The following ICE2 variants were observed in gnomAD, a reference collection of about 807,000 sequenced individuals.
The protein encoded by ICE2 is interactor of little elongation complex ELL subunit 2.
A neutral mutation model predicts 105.4 loss-of-function variants in ICE2; 87 were observed. The observed-to-expected ratio is 0.83, with a 90% CI of 0.69 to 0.99. ICE2 has a LOEUF of 0.99. ICE2 is among the 50% of genes least tolerant of loss of function. The probability of loss-of-function intolerance (pLI) is 0.00; values close to 1 mark genes in which losing one functional copy is unlikely to be tolerated. For synonymous variants in ICE2, 399 were observed against 392.0 expected, an observed-to-expected ratio of 1.02 and a Z score of -0.21; for missense variants, 1,323 against 1,146.7, an observed-to-expected ratio of 1.15 and a Z score of -2.22.
intron 15 of ICE2, among the ~76,000 whole-genome samples, chr15:60,425,351 A>G (rs1471294487): frequency 1.3e-5 from 2 of 152,212 alleles, no homozygotes; most frequent in African/African-American, 4.8e-5. Context: ...TATTGACCAC[A>G]CTAATTCTAT....
chr15:60,448,512 A>T (rs181862429), intron 10 of ICE2, among the ~76,000 whole-genome samples: 19 of 152,338 alleles, frequency 1.2e-4, no homozygotes, highest in Non-Finnish European at 2.4e-4. Flanking sequence ...CTGCAGTCCA[A>T]CACCAAGTAT....
chr15:60,462,170 A>G (rs530389689), intron 5 of ICE2, among the ~76,000 whole-genome samples: 1 of 152,250 alleles, frequency 6.6e-6, no homozygotes, highest in Non-Finnish European at 1.5e-5. Flanking sequence ...AAGGGAAAGC[A>G]TATCTTTTAA....
At chr15:60,432,840 C>T (rs140600571) in intron 13 of ICE2, among the ~76,000 whole-genome samples, 1,651 of 151,992 alleles carry the variant, frequency 0.011, 30 homozygotes, top group African/African-American at 0.038. Flanking sequence ...TGCAGTGAGC[C>T]GAGATGGCGT....
chr15:60,437,489 G>T (rs1237105641), intron 12 of ICE2, among the ~76,000 whole-genome samples: 1 of 151,278 alleles, frequency 6.6e-6, no homozygotes, highest in Non-Finnish European at 1.5e-5. Context: ...CCACCACCAG[G>T]CCTGGCTAAT....
chr15:60,455,725 C>G (rs961193872), intron 6 of ICE2, among the ~76,000 whole-genome samples: 1 of 151,676 alleles, frequency 6.6e-6, no homozygotes, highest in Non-Finnish European at 1.5e-5. Flanking sequence ...TCGAGCAATT[C>G]TCTCACTTCA....
Position 60,453,666 on chromosome 15 carries a change from G to C in ICE2, c.1062C>G (p.Asn354Lys). Residue 354 changes from asparagine (N) to lysine (K), a missense_variant, in exon 9 of 16, where the codon AAC becomes AAG. Physicochemically the swap from Asn to Lys is moderately conservative, Grantham distance 94. Transcript: ENST00000261520. Reference sequence around the variant, plus strand: ...AGACTGCAGAGACTGGAACAGATGTGTTTTTGGACATCATAAATTTTAATG... The same window carrying C: ...AGACTGCAGAGACTGGAACAGATGTCTTTTTGGACATCATAAATTTTAATG... ...EVPLKFMMSK[N>K]TSVPVSAVFM... 1 of 1,613,466 alleles carries C rather than the reference G, an allele frequency of 6.2e-7. No homozygotes were observed. The highest frequency in any genetic ancestry group is 8.5e-7 in the Non-Finnish European group (1 of 1,179,524).
intron 3 of ICE2, among the ~76,000 whole-genome samples, chr15:60,475,264 G>A (rs1414062183): frequency 3.9e-5 from 6 of 152,118 alleles, no homozygotes; most frequent in Admixed American, 3.9e-4. Context: ...AGCTACTACA[G>A]GCAAGTTGGC....
chr15:60,445,697 C>A, intron 11 of ICE2: 3 of 985,120 alleles, frequency 3.0e-6, no homozygotes, highest in Non-Finnish European at 3.6e-6. Context: ...CCTTACCAAG[C>A]TGTCTTGTTC....
intron 11 of ICE2, chr15:60,442,750 G>T (rs932302445): frequency 4.5e-5 from 19 of 418,878 alleles, no homozygotes; most frequent in Non-Finnish European, 7.2e-5. Flanking sequence ...GTGGATGGAT[G>T]AAAGAGATCT....
intron 5 of ICE2, among the ~76,000 whole-genome samples, chr15:60,465,857 T>C (rs1013818414): frequency 2.6e-5 from 4 of 151,598 alleles, no homozygotes; most frequent in African/African-American, 9.7e-5. Context: ...GTTCAAGCGA[T>C]TCTCCTGCCT....
chr15:60,456,566 A>AAT (rs55754214), intron 6 of ICE2, 91 bp downstream of exon 6: 10,827 of 64,232 alleles, frequency 0.17, 1,147 homozygotes, highest in Non-Finnish European at 0.21. Context: ...TAAATAAATA[A>AAT]ATATATATAT....
intron 11 of ICE2, among the ~76,000 whole-genome samples, chr15:60,444,690 T>C (rs1194829252): frequency 1.3e-5 from 2 of 152,162 alleles, no homozygotes; most frequent in African/African-American, 4.8e-5. Context: ...CTCTTTATTA[T>C]TATTTTTTTT....
chr15:60,453,912 T>A, intron 8 of ICE2, 128 bp from the exon 9 acceptor site: 1 of 711,038 alleles, frequency 1.4e-6, no homozygotes, highest in Non-Finnish European at 2.3e-6. Flanking sequence ...ATGTCCCATA[T>A]ATTTGCTACC....
chr15:60,462,944 C>T (rs1432165047), intron 5 of ICE2, among the ~76,000 whole-genome samples: 2 of 152,172 alleles, frequency 1.3e-5, no homozygotes, highest in Admixed American at 1.3e-4. Flanking sequence ...TATGAAGGTT[C>T]CACTAAATGA....
intron 13 of ICE2, among the ~76,000 whole-genome samples, chr15:60,433,924 A>G (rs1328280994): frequency 6.6e-6 from 1 of 152,194 alleles, no homozygotes; most frequent in African/African-American, 2.4e-5. Flanking sequence ...AGTCCTTGTA[A>G]CAGAAGCAGA....
chr15:60,419,706 C>T lies in ICE2; in HGVS notation c.*3928G>A, dbSNP rs2063222839. ...GTTAAGGTTTGATTAAAAACTACTA[C>T]ATACCAAACAAAAAAACAGAACAAA... On this transcript the variant is annotated 3_prime_UTR_variant, in exon 16 of 16. Transcript: ENST00000261520. 6.9e-6 allele frequency: 1 copy of T among 144,814 alleles called. No homozygotes were observed. The highest frequency in any genetic ancestry group is 1.5e-5 in the Non-Finnish European group (1 of 65,454). 9.0% of individuals were successfully genotyped at this position (144,814 alleles called of 1,614,324 possible). A position where few individuals can be genotyped will look rare whatever the true frequency, so the allele number is the denominator to read the frequency against.
intron 5 of ICE2, among the ~76,000 whole-genome samples, chr15:60,457,447 C>T (rs1245464857): frequency 6.6e-6 from 1 of 152,130 alleles, no homozygotes; most frequent in Non-Finnish European, 1.5e-5. Flanking sequence ...AACACACACA[C>T]ACATTATCTT....
intron 13 of ICE2, among the ~76,000 whole-genome samples, chr15:60,433,208 C>G (rs1408231500): frequency 6.6e-6 from 1 of 151,786 alleles, no homozygotes; most frequent in Non-Finnish European, 1.5e-5. Context: ...CTGCCTCAGC[C>G]TCCAGAGTAG....
At chr15:60,459,646 G>C (rs890306506) in intron 5 of ICE2, among the ~76,000 whole-genome samples, 1 of 152,018 alleles carries the variant, frequency 6.6e-6, no homozygotes, top group Admixed American at 6.6e-5. Context: ...CAATAATGTG[G>C]GTAAGTTTAA....
Sources: gnomAD v4.1 joint callset for allele counts (sites outside exome capture counted in the v4.1 genomes callset) on GRCh38, gnomAD v4.1.1 for gene constraint, MANE v1.5 for transcripts, NCBI Gene and HGNC (gene_info 2026-07-23, HGNC 2026-07-21) for gene names.